Variants in ANKDD1B observed in about 807,000 individuals in gnomAD.
ANKDD1B encodes ankyrin repeat and death domain-containing protein 1B.
Under a neutral mutation model 59.7 loss-of-function variants are expected in ANKDD1B, and 57 were observed. The observed-to-expected ratio is 0.95, with a 90% confidence interval of 0.77 to 1.19. ANKDD1B has a LOEUF of 1.19. ANKDD1B is among the 50% of genes most tolerant of loss of function. The probability of loss-of-function intolerance (pLI) is 0.00; values close to 1 mark genes in which losing one functional copy is unlikely to be tolerated. For synonymous variants in ANKDD1B, 216 were observed against 239.5 expected (o/e 0.90, Z 0.91); for missense variants, 602 against 641.9 (o/e 0.94, Z 0.67).
At chr5:75,641,448 C>T (rs186766716) in intron 7 of ANKDD1B, among the ~76,000 whole-genome samples, 208 of 152,264 alleles carry the variant, frequency 1.4e-3, no homozygotes, top group Admixed American at 3.7e-3. Flanking sequence ...AACCCCACAT[C>T]GCAATTTTAC....
At chr5:75,654,753 G>A (rs550633963) in intron 8 of ANKDD1B, among the ~76,000 whole-genome samples, 1 of 152,322 alleles carries the variant, frequency 6.6e-6, no homozygotes, top group African/African-American at 2.4e-5. Context: ...TGTGCTGAGT[G>A]TGTCTGATGC....
chr5:75,660,516 C>T (rs565065371), intron 10 of ANKDD1B, among the ~76,000 whole-genome samples: 10 of 152,326 alleles, frequency 6.6e-5, no homozygotes, highest in South Asian at 4.1e-4. Flanking sequence ...ATTTGGGTTG[C>T]GTCCACCTTT....
chr5:75,667,789 C>T (rs1033408892), intron 12 of ANKDD1B, among the ~76,000 whole-genome samples: 4 of 152,162 alleles, frequency 2.6e-5, no homozygotes, highest in Admixed American at 2.0e-4. Flanking sequence ...CATCCTAAGA[C>T]GAGAAGGTGT....
chr5:75,645,094 A>T (rs1333314632), intron 7 of ANKDD1B, among the ~76,000 whole-genome samples: 1 of 125,656 alleles, frequency 8.0e-6, no homozygotes, highest in Admixed American at 7.3e-5. Flanking sequence ...GACGCATTCA[A>T]AGCAGTGTGT....
intron 12 of ANKDD1B, among the ~76,000 whole-genome samples, chr5:75,668,282 G>A (rs7715739): frequency 0.099 from 15,133 of 152,172 alleles, 875 homozygotes; most frequent in African/African-American, 0.16. Context: ...TTATAATCTA[G>A]TTGGCACAAT....
chr5:75,648,558 A>T (rs996211950), intron 7 of ANKDD1B, among the ~76,000 whole-genome samples: 1 of 152,146 alleles, frequency 6.6e-6, no homozygotes, highest in Non-Finnish European at 1.5e-5. Context: ...CAGGCTCCAT[A>T]TTGCCCCTGT....
intron 1 of ANKDD1B, 130 bp from the exon 2 acceptor site, chr5:75,616,673 TC>T (rs1310341676): frequency 6.1e-6 from 3 of 494,570 alleles, no homozygotes; most frequent in African/African-American, 3.9e-5. Flanking sequence ...GAAGCGAAGT[TC>T]CCATGTCTTA....
chr5:75,637,928 C>T (rs780676007), intron 7 of ANKDD1B, among the ~76,000 whole-genome samples: 3 of 152,154 alleles, frequency 2.0e-5, no homozygotes, highest in African/African-American at 4.8e-5. Flanking sequence ...TCTTCTAAGC[C>T]ACTGATACCC....
chr5:75,641,784 A>G (rs1774471680), intron 7 of ANKDD1B, among the ~76,000 whole-genome samples: 1 of 152,240 alleles, frequency 6.6e-6, no homozygotes, highest in African/African-American at 2.4e-5. Context: ...CTATATTTGT[A>G]TAATCTTTCG....
chr5:75,625,890 CAT>C lies in ANKDD1B; in HGVS notation c.536_537del (p.His179ArgfsTer20). On this transcript the variant is annotated frameshift_variant, in exon 5 of 14. Transcript: ENST00000601380. LOFTEE classifies it high-confidence loss of function. ...SALHFATQSN[H>X]VRIVEYLIQD... Reference sequence around the variant, plus strand: ...CCTCCACTTTGCCACTCAGAGCAATCATGTGCGCATCGTGGAGTATCTTATTC... The same window carrying C: ...CCTCCACTTTGCCACTCAGAGCAATCGTGCGCATCGTGGAGTATCTTATTC... 2.0e-6 allele frequency: 3 copies of C among 1,536,312 alleles called. No individual in the cohort carries two copies. Among genetic ancestry groups the C allele is most frequent in the Non-Finnish European group, 2.6e-6 (3 of 1,146,916 alleles).
At chr5:75,628,403 A>G (rs1254738231) in intron 5 of ANKDD1B, among the ~76,000 whole-genome samples, 1 of 152,210 alleles carries the variant, frequency 6.6e-6, no homozygotes, top group Non-Finnish European at 1.5e-5. Context: ...CATAATAAAA[A>G]AAATTGTGGG....
At chr5:75,632,665 T>C (rs1042826585) in intron 5 of ANKDD1B, among the ~76,000 whole-genome samples, 14 of 152,256 alleles carry the variant, frequency 9.2e-5, no homozygotes, top group Non-Finnish European at 1.8e-4. Context: ...TTTCTTCTGT[T>C]CCAGTGCATT....
intron 2 of ANKDD1B, among the ~76,000 whole-genome samples, chr5:75,619,954 C>A (rs1331608423): frequency 6.6e-6 from 1 of 152,140 alleles, no homozygotes; most frequent in East Asian, 1.9e-4. Context: ...ATATTCTAAG[C>A]AGAAAAATTT....
intron 1 of ANKDD1B, among the ~76,000 whole-genome samples, chr5:75,612,181 A>C (rs1773580119): frequency 6.6e-6 from 1 of 152,216 alleles, no homozygotes; most frequent in Non-Finnish European, 1.5e-5. Flanking sequence ...ACTTTAAATA[A>C]GTCAGTCACT....
At chr5:75,623,414 T>C (rs1221152749) in intron 3 of ANKDD1B, among the ~76,000 whole-genome samples, 4 of 152,144 alleles carry the variant, frequency 2.6e-5, no homozygotes, top group African/African-American at 9.7e-5. Flanking sequence ...TATAGAGCGC[T>C]GACTTGTAGG....
At chr5:75,650,018 C>A (rs879477182) in intron 7 of ANKDD1B, among the ~76,000 whole-genome samples, 2 of 152,116 alleles carry the variant, frequency 1.3e-5, no homozygotes, top group African/African-American at 4.8e-5. Context: ...ATAATAGTTA[C>A]GGTTACCATA....
intron 2 of ANKDD1B, among the ~76,000 whole-genome samples, chr5:75,617,426 TCTTA>T (rs1448070417): frequency 2.0e-5 from 3 of 152,206 alleles, no homozygotes; most frequent in Admixed American, 6.5e-5. Context: ...AAAACCTGGC[TCTTA>T]CTTGTTCTTT....
At chr5:75,648,234 C>A in intron 7 of ANKDD1B, among the ~76,000 whole-genome samples, 1 of 92,844 alleles carries the variant, frequency 1.1e-5, no homozygotes, top group African/African-American at 4.6e-5. Flanking sequence ...CACATGTACC[C>A]TAAAACTTAA....
chr5:75,635,488 C>A, intron 6 of ANKDD1B: 1 of 268,900 alleles, frequency 3.7e-6, no homozygotes, highest in Admixed American at 5.2e-5. Context: ...ATTTTACCCT[C>A]ACAGAGGTCA....
Sources: gnomAD v4.1 joint callset for allele counts (sites outside exome capture counted in the v4.1 genomes callset) on GRCh38, gnomAD v4.1.1 for gene constraint, MANE v1.5 for transcripts, NCBI Gene and HGNC (gene_info 2026-07-23, HGNC 2026-07-21) for gene names.